The following DGKG variants were observed in gnomAD, a reference collection of about 807,000 sequenced individuals.
The protein encoded by DGKG is DAG kinase gamma.
A neutral mutation model predicts 105.3 loss-of-function variants in DGKG; 78 were observed. That is an observed-to-expected ratio of 0.74 (90% CI 0.62 to 0.89). The LOEUF (loss-of-function observed/expected upper bound fraction) is 0.89, where lower values mean the gene tolerates loss of function less well. Among genes scored for constraint, DGKG ranks in the 40% least tolerant of loss-of-function variants. DGKG has a pLI of 0.00. For missense variants in DGKG, 958 were observed against 1,020.1 expected (o/e 0.94, Z 0.83); for synonymous variants, 346 against 367.1 (o/e 0.94, Z 0.66).
intron 8 of DGKG, 78 bp from the exon 9 acceptor site, chr3:186,280,051 T>C (rs1021570852): frequency 1.3e-6 from 2 of 1,562,550 alleles, no homozygotes; most frequent in African/African-American, 2.7e-5. Context: ...GCTGTCTTGT[T>C]CATCTTGCAT....
intron 21 of DGKG, among the ~76,000 whole-genome samples, chr3:186,189,047 T>C (rs904783093): frequency 2.6e-5 from 4 of 152,028 alleles, no homozygotes; most frequent in Non-Finnish European, 5.9e-5. Context: ...TCTCCTGACC[T>C]GTTGATCCGC....
At chr3:186,246,973 A>C (rs138733731) in intron 19 of DGKG, among the ~76,000 whole-genome samples, 1 of 152,294 alleles carries the variant, frequency 6.6e-6, no homozygotes, top group African/African-American at 2.4e-5. Flanking sequence ...AGTTACACAT[A>C]CCTTGGGAAT....
At chr3:186,170,721 C>G (rs1191264041) in intron 22 of DGKG, among the ~76,000 whole-genome samples, 2 of 152,190 alleles carry the variant, frequency 1.3e-5, no homozygotes. Context: ...ATTAGTTTCA[C>G]TTTCCTTTTT....
chr3:186,260,517 T>TG lies in DGKG; in HGVS notation c.1350-5dup. 1 of 1,605,570 alleles carries TG rather than the reference T, an allele frequency of 6.2e-7. No homozygotes were observed. Among genetic ancestry groups the TG allele is most frequent in the Non-Finnish European group, 8.5e-7 (1 of 1,174,116 alleles). ...ATAGTGGAATTTCCGAAGAATTCTA[T>TG]GGAAAAAAAAAGAAAAGGAGGGAGA... On this transcript the variant is annotated splice_region_variant and splice_polypyrimidine_tract_variant and intron_variant, in intron 15 of 24. Transcript: ENST00000265022.
chr3:186,295,572 T>C (rs575693936), intron 5 of DGKG, among the ~76,000 whole-genome samples: 8 of 142,896 alleles, frequency 5.6e-5, no homozygotes, highest in African/African-American at 1.6e-4. Context: ...CCCCTGGGCA[T>C]ATCCTAAGAG....
At chr3:186,179,369 GAGA>G (rs1197693561) in intron 22 of DGKG, among the ~76,000 whole-genome samples, 3 of 152,186 alleles carry the variant, frequency 2.0e-5, no homozygotes, top group Admixed American at 6.5e-5. Flanking sequence ...GCCCTTTGCA[GAGA>G]AGGTTTGCCA....
chr3:186,189,219 T>C (rs1166013247), intron 21 of DGKG, among the ~76,000 whole-genome samples: 2 of 152,248 alleles, frequency 1.3e-5, no homozygotes. Flanking sequence ...ATCTGTATCA[T>C]AAATGCAATT....
chr3:186,254,868 G>A (rs918498966), intron 17 of DGKG, among the ~76,000 whole-genome samples: 1 of 152,110 alleles, frequency 6.6e-6, no homozygotes, highest in African/African-American at 2.4e-5. Context: ...GGCTCCTCAT[G>A]GCCCCATAGC....
At chr3:186,234,346 G>T (rs1276644483) in intron 20 of DGKG, among the ~76,000 whole-genome samples, 2 of 152,130 alleles carry the variant, frequency 1.3e-5, no homozygotes, top group Non-Finnish European at 2.9e-5. Flanking sequence ...CAACACTCAC[G>T]TTAGGATCCA....
intron 1 of DGKG, among the ~76,000 whole-genome samples, chr3:186,343,182 AC>A (rs1726166379): frequency 6.6e-6 from 1 of 152,110 alleles, no homozygotes; most frequent in Non-Finnish European, 1.5e-5. Flanking sequence ...GATTACCAGA[AC>A]CTCCATGGAG....
At chr3:186,319,176 A>G (rs373907532) in intron 2 of DGKG, among the ~76,000 whole-genome samples, 81 of 152,326 alleles carry the variant, frequency 5.3e-4, no homozygotes, top group Admixed American at 9.1e-4. Flanking sequence ...ATGAGAGACC[A>G]CAGGCTCTAG....
At chr3:186,228,173 T>C (rs980695644) in intron 20 of DGKG, among the ~76,000 whole-genome samples, 4 of 152,200 alleles carry the variant, frequency 2.6e-5, no homozygotes, top group African/African-American at 9.6e-5. Flanking sequence ...TAGCATGCTT[T>C]AAAGCTCAAG....
chr3:186,245,432 T>A (rs182479465), intron 19 of DGKG, among the ~76,000 whole-genome samples: 29 of 152,338 alleles, frequency 1.9e-4, no homozygotes, highest in Middle Eastern at 3.4e-3. Context: ...AGCTTCTATG[T>A]CAGGCAATGA....
At chr3:186,318,627 C>T (rs925559252) in intron 2 of DGKG, among the ~76,000 whole-genome samples, 1 of 152,088 alleles carries the variant, frequency 6.6e-6, no homozygotes, top group Non-Finnish European at 1.5e-5. Context: ...AAAGGGGGAA[C>T]TTTGGACACA....
At chr3:186,306,812 G>T in intron 3 of DGKG, 89 bp downstream of exon 3, 1 of 853,480 alleles carries the variant, frequency 1.2e-6, no homozygotes, top group Non-Finnish European at 1.9e-6. Context: ...AGTTCTTCAA[G>T]GCAAGCGGAG....
intron 22 of DGKG, among the ~76,000 whole-genome samples, chr3:186,181,049 G>A (rs1227235124): frequency 6.6e-6 from 1 of 152,220 alleles, no homozygotes; most frequent in African/African-American, 2.4e-5. Flanking sequence ...AGGCTAGTGA[G>A]GCCACGGGCA....
intron 6 of DGKG, among the ~76,000 whole-genome samples, chr3:186,285,020 G>A (rs1244324022): frequency 2.0e-5 from 3 of 152,176 alleles, no homozygotes; most frequent in South Asian, 4.1e-4. Context: ...TAAAGCAAAT[G>A]CCCAGCTGGG....
At chr3:186,328,465 G>A (rs985177878) in intron 1 of DGKG, among the ~76,000 whole-genome samples, 13 of 152,282 alleles carry the variant, frequency 8.5e-5, no homozygotes, top group Non-Finnish European at 1.5e-4. Flanking sequence ...GGGGTGACGA[G>A]GTGATGTGGT....
At position 186,148,794 on chromosome 3, in the gene DGKG, T is replaced by C. The variant is rs979975599; in HGVS notation, c.*1296A>G. The C allele has an allele frequency of 2.2e-4, 216 of 985,486 alleles. No homozygotes were observed. Among genetic ancestry groups the C allele is most frequent in the Non-Finnish European group, 2.6e-4 (212 of 829,906 alleles). 61.0% of individuals were successfully genotyped at this position (985,486 alleles called of 1,614,324 possible). Reference sequence around the variant, plus strand: ...GGTCTCTTCGTTCATAATAGGGAGCTACTTTCATTCCCCTTAACCCTTGTG... The same window carrying C: ...GGTCTCTTCGTTCATAATAGGGAGCCACTTTCATTCCCCTTAACCCTTGTG... On this transcript the variant is annotated 3_prime_UTR_variant, in exon 25 of 25. Transcript: ENST00000265022.
Sources: allele counts gnomAD v4.1 joint callset (sites outside exome capture counted in the v4.1 genomes callset), GRCh38; gene constraint gnomAD v4.1.1; transcripts MANE v1.5; gene names NCBI Gene and HGNC (gene_info 2026-07-23, HGNC 2026-07-21).